Variants in RAD54B observed in about 807,000 individuals in gnomAD.
RAD54B encodes DNA repair and recombination protein RAD54B.
In RAD54B, 78 loss-of-function variants were observed where a neutral mutation model predicts 95.8. The observed-to-expected ratio is 0.81, with a 90% confidence interval of 0.68 to 0.98. The LOEUF (loss-of-function observed/expected upper bound fraction) is 0.98, where lower values mean the gene tolerates loss of function less well. RAD54B is among the 50% of genes least tolerant of loss of function. The probability of loss-of-function intolerance (pLI) is 0.00; values close to 1 mark genes in which losing one functional copy is unlikely to be tolerated. For missense variants in RAD54B, 957 were observed against 1,056.6 expected, an observed-to-expected ratio of 0.91 and a Z score of 1.31; for synonymous variants, 328 against 354.9, an observed-to-expected ratio of 0.92 and a Z score of 0.85.
intron 1 of RAD54B, among the ~76,000 whole-genome samples, chr8:94,469,623 T>C (rs933145329): frequency 6.6e-6 from 1 of 152,208 alleles, no homozygotes; most frequent in Non-Finnish European, 1.5e-5. Flanking sequence ...GGAAATACAA[T>C]TCACATACAA....
At chr8:94,396,070 G>C (rs757325622) in intron 8 of RAD54B, among the ~76,000 whole-genome samples, 5 of 151,928 alleles carry the variant, frequency 3.3e-5, no homozygotes, top group Non-Finnish European at 5.9e-5. Flanking sequence ...ATTTAGGGCA[G>C]AAAAGAAGAA....
intron 3 of RAD54B, among the ~76,000 whole-genome samples, chr8:94,437,574 T>C (rs549924366): frequency 6.6e-6 from 1 of 152,330 alleles, no homozygotes; most frequent in African/African-American, 2.4e-5. Flanking sequence ...AAGAAAAAAT[T>C]TTTATAGAAC....
intron 2 of RAD54B, among the ~76,000 whole-genome samples, chr8:94,464,551 A>G (rs112948558): frequency 0.013 from 1,991 of 152,344 alleles, 46 homozygotes; most frequent in African/African-American, 0.046. Flanking sequence ...CTGATATTTC[A>G]GCAATAAGAA....
chr8:94,438,861 G>C lies in RAD54B; in HGVS notation c.304+19407C>G, dbSNP rs577321873. On this transcript the variant is annotated intron_variant, in intron 3 of 14. Transcript: ENST00000336148. ...GGCCTGTAATCCAACAGTTTTGAGAGGCCAAGGATTACTTGAGCACATGAG... is the reference window on the plus strand; with the variant it reads ...GGCCTGTAATCCAACAGTTTTGAGACGCCAAGGATTACTTGAGCACATGAG... Among the ~76,000 whole-genome samples the C allele has an allele frequency of 4.6e-5, 7 of 152,276 alleles. No individual in the cohort carries two copies. The South Asian group carries it at 1.5e-3, about 32-fold the overall frequency.
intron 5 of RAD54B, among the ~76,000 whole-genome samples, chr8:94,406,438 A>G (rs1164623575): frequency 2.0e-5 from 3 of 152,206 alleles, no homozygotes; most frequent in Non-Finnish European, 2.9e-5. Flanking sequence ...AAAAAGAGAA[A>G]ATTCAGCTGC....
At chr8:94,469,040 C>A (rs1315261244) in intron 1 of RAD54B, among the ~76,000 whole-genome samples, 1 of 149,850 alleles carries the variant, frequency 6.7e-6, no homozygotes, top group Non-Finnish European at 1.5e-5. Context: ...CATCTGTAAT[C>A]CCAGCACTTT....
intron 3 of RAD54B, chr8:94,431,809 G>A (rs757149589): frequency 3.0e-6 from 3 of 1,008,640 alleles, no homozygotes; most frequent in Non-Finnish European, 3.6e-6. Context: ...TAAAAATGTT[G>A]AAGACTCAGA....
chr8:94,399,343 G>C, intron 8 of RAD54B, 71 bp downstream of exon 8: 1 of 1,165,282 alleles, frequency 8.6e-7, no homozygotes, highest in Non-Finnish European at 1.3e-6. Flanking sequence ...TGAATGTTAA[G>C]CATCATAGTA....
intron 6 of RAD54B, among the ~76,000 whole-genome samples, chr8:94,403,873 A>G (rs1184864582): frequency 8.9e-6 from 1 of 112,722 alleles, no homozygotes; most frequent in East Asian, 2.0e-4. Context: ...CCCACCTCCT[A>G]GCAGTATGTT....
chr8:94,374,227 C>A (rs1234918028), intron 14 of RAD54B, among the ~76,000 whole-genome samples: 1 of 151,068 alleles, frequency 6.6e-6, no homozygotes, highest in African/African-American at 2.4e-5. Context: ...GGCAGTGAGC[C>A]GAGATAGCGC....
At chr8:94,429,522 T>C (rs918503873) in intron 3 of RAD54B, 2 of 984,604 alleles carry the variant, frequency 2.0e-6, no homozygotes, top group African/African-American at 1.7e-5. Context: ...CAATTCTTAG[T>C]AGCATGCTGA....
chr8:94,374,278 C>CA (rs71273329), intron 14 of RAD54B, among the ~76,000 whole-genome samples: 14,216 of 124,084 alleles, frequency 0.11, 910 homozygotes, highest in Middle Eastern at 0.24. Context: ...GACTCCGTCT[C>CA]AAAAAAAAAA....
At chr8:94,419,280 C>T (rs1413046199) in intron 3 of RAD54B, among the ~76,000 whole-genome samples, 1 of 152,036 alleles carries the variant, frequency 6.6e-6, no homozygotes, top group Non-Finnish European at 1.5e-5. Flanking sequence ...GAGGCCAAGG[C>T]GGGTGGATCA....
rs1451961350 is a variant in RAD54B, at chr8:94,391,752, T to C, written c.1666A>G (p.Ile556Val). 6.2e-7 allele frequency: 1 copy of C among 1,614,048 alleles called. No individual in the cohort carries two copies. Among genetic ancestry groups the C allele is most frequent in the Non-Finnish European group, 8.5e-7 (1 of 1,180,008 alleles). ...VVFCRPGALQIELYRKLLNSQ... is the reference protein window; with the variant it reads ...VVFCRPGALQVELYRKLLNSQ... ...TTTAACAGCTTTCGATAAAGCTCAA[T>C]CTGTAGTGCTCCTGGTCGGCAAAAG... Residue 556 changes from isoleucine to valine, a missense_variant, in exon 10 of 15, where the codon ATT becomes GTT. Ile to Val is a conservative substitution (Grantham distance 29). Coordinates refer to ENST00000336148, the MANE Select transcript of RAD54B (RefSeq NM_012415.3).
In RAD54B at chr8:94,404,321, A is replaced by G. The variant is rs1324700705; in HGVS notation, c.782-82T>C. 3 of 1,292,242 alleles carry G rather than the reference A, an allele frequency of 2.3e-6. No homozygotes were observed. The African/African-American group carries it at 4.6e-5, about 20-fold the overall frequency. 80.0% of individuals were successfully genotyped at this position (1,292,242 alleles called of 1,614,324 possible). The stretch of plus-strand genomic sequence containing the variant: ...TATCTTGTTTTCATTACCCTAAGAT[A>G]GAAATGTTTGCCATCATTTGTGGCC... On this transcript the variant is annotated intron_variant, in intron 5 of 14. Coordinates refer to ENST00000336148, the MANE Select transcript of RAD54B (RefSeq NM_012415.3).
intron 3 of RAD54B, among the ~76,000 whole-genome samples, chr8:94,437,213 G>A (rs1812289204): frequency 6.6e-6 from 1 of 152,212 alleles, no homozygotes; most frequent in Non-Finnish European, 1.5e-5. Flanking sequence ...AATTTAGTGA[G>A]AATATCAAAT....
intron 1 of RAD54B, among the ~76,000 whole-genome samples, chr8:94,472,262 C>G (rs1159420732): frequency 6.6e-6 from 1 of 152,106 alleles, no homozygotes; most frequent in Non-Finnish European, 1.5e-5. Flanking sequence ...GCCAAAATAA[C>G]TTCATTAAAC....
rs967149591 is a variant in RAD54B at position 94,436,433 on chromosome 8, A to T, written c.304+21835T>A. On this transcript the variant is annotated intron_variant, in intron 3 of 14. Coordinates refer to ENST00000336148, the MANE Select transcript of RAD54B (RefSeq NM_012415.3). ...ACTATGCATATCTCTATCACGACTA[A>T]GCCAAAGCCCAATAGATAGGAGGCG... is the stretch of plus-strand genomic sequence containing the variant. 4.1e-6 allele frequency: 6 copies of T among 1,462,956 alleles called. No individual in the cohort carries two copies. In the African/African-American group the frequency reaches 5.7e-5, roughly 14 times the overall value. 90.6% of individuals were successfully genotyped at this position (1,462,956 alleles called of 1,614,324 possible).
chr8:94,441,587 G>A (rs927525461), intron 3 of RAD54B, among the ~76,000 whole-genome samples: 5 of 152,148 alleles, frequency 3.3e-5, no homozygotes, highest in African/African-American at 7.2e-5. Context: ...CAGCTATCTC[G>A]AAGCTCTACA....
Sources: gnomAD v4.1 joint callset for allele counts (sites outside exome capture counted in the v4.1 genomes callset) on GRCh38, gnomAD v4.1.1 for gene constraint, MANE v1.5 for transcripts, NCBI Gene and HGNC (gene_info 2026-07-23, HGNC 2026-07-21) for gene names.